Variants in MGAT3 observed in about 807,000 individuals in gnomAD.
The protein encoded by MGAT3 is beta-1,4-mannosyl-glycoprotein 4-beta-N-acetylglucosaminyltransferase.
Under a neutral mutation model 29.8 loss-of-function variants are expected in MGAT3, and 9 were observed. That is an observed-to-expected ratio of 0.30 (90% CI 0.18 to 0.53). MGAT3 has a LOEUF of 0.53. MGAT3 is among the 20% of genes least tolerant of loss of function. The pLI, the probability that MGAT3 is intolerant of heterozygous loss-of-function variation, is 0.96. For synonymous variants in MGAT3, 397 were observed against 348.9 expected, an observed-to-expected ratio of 1.14 and a Z score of -1.54; for missense variants, 557 against 769.5, an observed-to-expected ratio of 0.72 and a Z score of 3.27.
At chr22:39,479,401 C>T (rs949416604) in intron 1 of MGAT3, among the ~76,000 whole-genome samples, 1 of 152,188 alleles carries the variant, frequency 6.6e-6, no homozygotes, top group Non-Finnish European at 1.5e-5. Flanking sequence ...TACGGGGTGT[C>T]TGGCAGCGGG....
chr22:39,491,072 GT>G lies in MGAT3; in HGVS notation c.*2124del, dbSNP rs1929440871. 1 of 167,120 alleles carries G rather than the reference GT, an allele frequency of 6.0e-6. No individual in the cohort carries two copies. Among genetic ancestry groups the G allele is most frequent in the Admixed American group, 6.5e-5 (1 of 15,278 alleles). 10.4% of individuals were successfully genotyped at this position (167,120 alleles called of 1,614,324 possible). ...ACCTGTCCCCTCCCCCCCACCTCCA[GT>G]GGGGCTTTCTCCAGATGTCTTATGG... On this transcript the variant is annotated 3_prime_UTR_variant, in exon 2 of 2. Coordinates refer to ENST00000341184, the MANE Select transcript of MGAT3 (RefSeq NM_002409.5). The surrounding 1 kb of genome is among the most constrained non-coding windows in gnomAD (Gnocchi z 5.5).
intron 1 of MGAT3, among the ~76,000 whole-genome samples, chr22:39,463,110 C>T (rs1928542201): frequency 6.6e-6 from 1 of 152,198 alleles, no homozygotes; most frequent in African/African-American, 2.4e-5. Context: ...CATGGTTGTC[C>T]TCCCCACCTT....
chr22:39,471,571 C>T (rs1310939967), intron 1 of MGAT3, among the ~76,000 whole-genome samples: 1 of 152,092 alleles, frequency 6.6e-6, no homozygotes, highest in African/African-American at 2.4e-5. Flanking sequence ...CCACTCCTAC[C>T]CCCGCCCTTC....
intron 1 of MGAT3, among the ~76,000 whole-genome samples, chr22:39,466,086 C>T (rs954938788): frequency 6.6e-6 from 1 of 152,124 alleles, no homozygotes; most frequent in Admixed American, 6.5e-5. Context: ...CCAGCCAGGC[C>T]CAGGGGTGGC....
intron 1 of MGAT3, among the ~76,000 whole-genome samples, chr22:39,484,002 C>T (rs1171363935): frequency 6.6e-6 from 1 of 152,206 alleles, no homozygotes; most frequent in Non-Finnish European, 1.5e-5. Context: ...TGCTTCTTAC[C>T]AGCCTGCTCA....
rs1174017918 is a variant in MGAT3 at position 39,488,592 on chromosome 22, C to T, written c.1245C>T (p.Ala415=). The T allele has an allele frequency of 2.5e-6, 4 of 1,613,120 alleles. No homozygotes were observed. In the African/African-American group the frequency reaches 4.0e-5, roughly 16 times the overall value. Residue 415 remains alanine, a synonymous_variant, in exon 2 of 2, where the codon GCC becomes GCT. Coordinates refer to ENST00000341184, the MANE Select transcript of MGAT3 (RefSeq NM_002409.5). ...CGCTGGGCAGCCCCCTGCACTTCGC[C>T]GGCTGGCACTGCTCCTGGTGCTTCA... ...QWSLGSPLHF[A]GWHCSWCFTP... is the part of the protein sequence containing the mutation.
At chr22:39,459,379 G>T (rs1166740710) in intron 1 of MGAT3, among the ~76,000 whole-genome samples, 1 of 152,048 alleles carries the variant, frequency 6.6e-6, no homozygotes, top group East Asian at 1.9e-4. Flanking sequence ...CAACCCTGAT[G>T]ATTTCTTTTT....
chr22:39,484,289 G>T (rs1929209107), intron 1 of MGAT3, among the ~76,000 whole-genome samples: 1 of 152,208 alleles, frequency 6.6e-6, no homozygotes, highest in Non-Finnish European at 1.5e-5. Context: ...TATTGAGCAT[G>T]CTGCATGCCA....
At chr22:39,459,884 T>A (rs1453232544) in intron 1 of MGAT3, among the ~76,000 whole-genome samples, 1 of 152,224 alleles carries the variant, frequency 6.6e-6, no homozygotes. Context: ...AAAACGAGGA[T>A]GCCGATGCCA....
intron 1 of MGAT3, among the ~76,000 whole-genome samples, chr22:39,485,012 G>T (rs949309420): frequency 1.3e-5 from 2 of 152,086 alleles, no homozygotes; most frequent in South Asian, 2.1e-4. Context: ...CAAAAAAAAA[G>T]TGAGGGGGAG....
rs888921784 is a variant in MGAT3 at position 39,470,190 on chromosome 22, C to T, written c.-2+12633C>T. Among the ~76,000 whole-genome samples, 7 of 152,102 alleles carry T rather than the reference C, an allele frequency of 4.6e-5. No individual in the cohort carries two copies. The East Asian group carries it at 5.8e-4, about 13-fold the overall frequency. ...GCAGACGTAAACAACAAAGTGGGAT[C>T]GCCTCTGCAGGGATGAGCGCTGGGG... On this transcript the variant is annotated intron_variant, in intron 1 of 1. Coordinates refer to ENST00000341184, the MANE Select transcript of MGAT3 (RefSeq NM_002409.5).
At chr22:39,483,979 TCAG>T (rs1929200082) in intron 1 of MGAT3, among the ~76,000 whole-genome samples, 1 of 152,166 alleles carries the variant, frequency 6.6e-6, no homozygotes, top group Non-Finnish European at 1.5e-5. Context: ...ATTGTCGGGA[TCAG>T]CAGCTCCACT....
At chr22:39,467,721 C>A (rs1569000297) in intron 1 of MGAT3, among the ~76,000 whole-genome samples, 1 of 147,288 alleles carries the variant, frequency 6.8e-6, no homozygotes, top group Non-Finnish European at 1.5e-5. Flanking sequence ...GGATCTGTTT[C>A]GTTTTGTTTC....
intron 1 of MGAT3, chr22:39,476,921 A>G (rs942048061): frequency 1.3e-5 from 2 of 152,210 alleles, no homozygotes; most frequent in African/African-American, 2.4e-5. Flanking sequence ...AGGGGAGGAC[A>G]GCAGAGCAGC....
chr22:39,478,783 CTA>C (rs1274424422), intron 1 of MGAT3, among the ~76,000 whole-genome samples: 1 of 152,240 alleles, frequency 6.6e-6, no homozygotes, highest in Non-Finnish European at 1.5e-5. Flanking sequence ...TGAGTCCTGA[CTA>C]TGAGGTCATG....
rs1256043283 is a variant in MGAT3, at chr22:39,487,049, C to G, written c.-1-298C>G. Among the ~76,000 whole-genome samples, 1 of 152,120 alleles carries G rather than the reference C, an allele frequency of 6.6e-6. No individual in the cohort carries two copies. The highest frequency in any genetic ancestry group is 1.9e-4 in the East Asian group (1 of 5,186). ...CTGGAGCCAAGCCTAGCAGTGCAGC[C>G]GCACAGTCAGGGTGGGGTGGGCCAG... On this transcript the variant is annotated intron_variant, in intron 1 of 1. Transcript: ENST00000341184. The surrounding 1 kb of genome is among the most constrained non-coding windows in gnomAD (Gnocchi z 5.7).
At chr22:39,463,115 C>G (rs1181607918) in intron 1 of MGAT3, among the ~76,000 whole-genome samples, 1 of 152,222 alleles carries the variant, frequency 6.6e-6, no homozygotes, top group Non-Finnish European at 1.5e-5. Context: ...TTGTCCTCCC[C>G]ACCTTGGCCT....
At chr22:39,469,918 C>T (rs1216672160) in intron 1 of MGAT3, among the ~76,000 whole-genome samples, 1 of 152,236 alleles carries the variant, frequency 6.6e-6, no homozygotes, top group East Asian at 1.9e-4. Flanking sequence ...AGGGGAGGAG[C>T]GCCTGTCAGG....
chr22:39,470,917 G>A (rs954736467), intron 1 of MGAT3, among the ~76,000 whole-genome samples: 1 of 152,194 alleles, frequency 6.6e-6, no homozygotes, highest in Admixed American at 6.5e-5. Flanking sequence ...AGAGAGCTAT[G>A]GCCCCAAAGC....
Sources: allele counts gnomAD v4.1 joint callset (sites outside exome capture counted in the v4.1 genomes callset), GRCh38; gene constraint gnomAD v4.1.1; non-coding constraint Gnocchi (gnomAD v3.1); transcripts MANE v1.5; gene names NCBI Gene and HGNC (gene_info 2026-07-23, HGNC 2026-07-21).